Variants in PRKCE observed in about 807,000 individuals in gnomAD.
PRKCE encodes the protein protein kinase C epsilon.
In PRKCE, 16 loss-of-function variants were observed where a neutral mutation model predicts 85.4. The ratio of observed to expected loss-of-function variants is 0.19; its 90% CI spans 0.13 to 0.28. The LOEUF (loss-of-function observed/expected upper bound fraction) is 0.28, where lower values mean the gene tolerates loss of function less well. PRKCE is among the 10% of genes least tolerant of loss of function. The probability of loss-of-function intolerance (pLI) is 1.00; values close to 1 mark genes in which losing one functional copy is unlikely to be tolerated. For synonymous variants in PRKCE, 388 were observed against 371.5 expected (o/e 1.04, Z -0.51); for missense variants, 573 against 975.2 (o/e 0.59, Z 5.49).
Position 46,124,199 on chromosome 2 carries a change from C to T in PRKCE, c.1593-20894C>T, listed in dbSNP as rs1673625321. 3.3e-5 allele frequency among the ~76,000 whole-genome samples: 5 copies of T among 152,190 alleles called. No homozygotes were observed. The South Asian group carries it at 8.3e-4, about 25-fold the overall frequency. Reference sequence around the variant, plus strand: ...AATTAGCCAGGTGTGGTGGTGCATGCCTGTAATCCCAGATACTTGGGAGGC... The same window carrying T: ...AATTAGCCAGGTGTGGTGGTGCATGTCTGTAATCCCAGATACTTGGGAGGC... On this transcript the variant is annotated intron_variant, in intron 11 of 14. Transcript: ENST00000306156.
intron 10 of PRKCE, among the ~76,000 whole-genome samples, chr2:46,074,601 C>T (rs979797755): frequency 6.6e-6 from 1 of 152,152 alleles, no homozygotes; most frequent in South Asian, 2.1e-4. Context: ...AGAACTCCAG[C>T]ATGACCTCTG....
rs116428179 is a variant in PRKCE, at chr2:46,069,583, G to C, written c.1438-16625G>C. The stretch of plus-strand genomic sequence containing the variant: ...CTTATCAGGAAATTCAGGTTTCCAT[G>C]TTACACAGTTTATATGGGCCCTTAT... On this transcript the variant is annotated intron_variant, in intron 10 of 14. Coordinates refer to ENST00000306156, the MANE Select transcript of PRKCE (RefSeq NM_005400.3). Among the ~76,000 whole-genome samples the C allele has an allele frequency of 4.2e-3, 633 of 152,238 alleles. 6 individuals are homozygous for C. The highest frequency in any genetic ancestry group is 0.015 in the African/African-American group (618 of 41,536).
At chr2:46,010,307 C>A (rs1987070) in intron 9 of PRKCE, 37 bp from the exon 10 acceptor site, 386,015 of 1,547,342 alleles carry the variant, frequency 0.25, 49,513 homozygotes, top group Non-Finnish European at 0.27. Flanking sequence ...TTATTCCATA[C>A]ATGCATAGAT....
At chr2:45,835,961 A>C (rs1338330344) in intron 1 of PRKCE, among the ~76,000 whole-genome samples, 2 of 152,086 alleles carry the variant, frequency 1.3e-5, no homozygotes. Flanking sequence ...TTATTCATTT[A>C]CCTGTTGTTG....
chr2:45,743,725 G>T lies in PRKCE; in HGVS notation c.348+91277G>T, dbSNP rs1311797119. On this transcript the variant is annotated intron_variant, in intron 1 of 14. Transcript: ENST00000306156. ...TTCTTTCAAAACCTTGCCCTAAGCA[G>T]GAGGTTTTTAAGACTGTGTTTAGTC... Among the ~76,000 whole-genome samples, 9 of 152,332 alleles carry T rather than the reference G, an allele frequency of 5.9e-5. No individual in the cohort carries two copies. The South Asian group carries it at 1.9e-3, about 32-fold the overall frequency.
intron 2 of PRKCE, among the ~76,000 whole-genome samples, chr2:45,964,267 C>T (rs1228660842): frequency 6.6e-6 from 1 of 152,196 alleles, no homozygotes; most frequent in Non-Finnish European, 1.5e-5. Flanking sequence ...TGTCCACAGG[C>T]CCGTTTTAAT....
At chr2:46,120,001 A>T (rs553864271) in intron 11 of PRKCE, among the ~76,000 whole-genome samples, 3 of 138,680 alleles carry the variant, frequency 2.2e-5, no homozygotes, top group Non-Finnish European at 3.1e-5. Context: ...CCTTTTGGAG[A>T]TGCTATGCTT....
chr2:46,062,142 G>A (rs547670227), intron 10 of PRKCE, among the ~76,000 whole-genome samples: 27 of 152,152 alleles, frequency 1.8e-4, no homozygotes, highest in Admixed American at 1.0e-3. Flanking sequence ...GATTACAGGC[G>A]TGAGCCACCA....
chr2:46,038,491 A>T (rs562179211), intron 10 of PRKCE, among the ~76,000 whole-genome samples: 31 of 152,304 alleles, frequency 2.0e-4, no homozygotes. Context: ...CTAGCTCCCA[A>T]GCAATGTGTG....
chr2:45,981,954 T>G (rs1424893384), intron 5 of PRKCE, among the ~76,000 whole-genome samples: 1 of 152,226 alleles, frequency 6.6e-6, no homozygotes, highest in Non-Finnish European at 1.5e-5. Context: ...ATTTGAAATG[T>G]TCAGAACCCA....
Position 45,822,574 on chromosome 2 carries a change from C to A in PRKCE, c.349-20426C>A, listed in dbSNP as rs1689624607. Among the ~76,000 whole-genome samples the A allele has an allele frequency of 2.0e-5, 3 of 152,280 alleles. No homozygotes were observed. The South Asian group carries it at 6.2e-4, about 32-fold the overall frequency. ...CTTCCTTGTGCCTGGGCTGGGGTGC[C>A]CTGTAATGACTCTGGGCATAGAGAG... On this transcript the variant is annotated intron_variant, in intron 1 of 14. Transcript: ENST00000306156.
intron 8 of PRKCE, among the ~76,000 whole-genome samples, chr2:46,006,552 G>T (rs2104768909): frequency 6.6e-6 from 1 of 152,296 alleles, no homozygotes; most frequent in East Asian, 1.9e-4. Flanking sequence ...TCATTCCCAA[G>T]GGTTAATAGG....
intron 1 of PRKCE, among the ~76,000 whole-genome samples, chr2:45,716,500 A>T (rs1680098311): frequency 6.6e-6 from 1 of 151,976 alleles, no homozygotes; most frequent in African/African-American, 2.4e-5. Flanking sequence ...CAGACTGGGA[A>T]ACAGAGCAAG....
chr2:45,803,073 C>G (rs1270082327), intron 1 of PRKCE, among the ~76,000 whole-genome samples: 1 of 152,160 alleles, frequency 6.6e-6, no homozygotes, highest in Non-Finnish European at 1.5e-5. Flanking sequence ...AAAGGTGGCA[C>G]TTGATTTCTA....
intron 11 of PRKCE, among the ~76,000 whole-genome samples, chr2:46,135,990 C>T (rs1222927275): frequency 6.6e-6 from 1 of 151,738 alleles, no homozygotes; most frequent in Admixed American, 6.6e-5. Context: ...GTACCATCTG[C>T]CAGAAGAACC....
chr2:46,045,738 G>T lies in PRKCE; in HGVS notation c.1437+35221G>T, dbSNP rs1022675846. 6.6e-5 allele frequency among the ~76,000 whole-genome samples: 10 copies of T among 152,190 alleles called. No individual in the cohort carries two copies. In the East Asian group the frequency reaches 1.9e-3, roughly 29 times the overall value. Reference sequence around the variant, plus strand: ...CACTAAAAATACAGAAATTAGCTGGGCATGGTGGCACATGCCTGTAATCCC... The same window carrying T: ...CACTAAAAATACAGAAATTAGCTGGTCATGGTGGCACATGCCTGTAATCCC... On this transcript the variant is annotated intron_variant, in intron 10 of 14. Coordinates refer to ENST00000306156, the MANE Select transcript of PRKCE (RefSeq NM_005400.3).
At chr2:46,181,089 C>A (rs1336150925) in intron 14 of PRKCE, among the ~76,000 whole-genome samples, 2 of 152,178 alleles carry the variant, frequency 1.3e-5, no homozygotes. Flanking sequence ...AGAGCCTGCC[C>A]CTCAGAATCT....
intron 10 of PRKCE, chr2:46,073,848 G>A (rs148881036): frequency 6.6e-6 from 1 of 152,148 alleles, no homozygotes; most frequent in African/African-American, 2.4e-5. Context: ...AGTATTCCAA[G>A]TGGAGAAATA....
intron 11 of PRKCE, among the ~76,000 whole-genome samples, chr2:46,115,395 A>AC (rs1349576495): frequency 2.6e-5 from 4 of 152,246 alleles, no homozygotes; most frequent in Non-Finnish European, 5.9e-5. Context: ...ATCTCATAAA[A>AC]CCCAAATTCA....
Sources: allele counts gnomAD v4.1 joint callset (sites outside exome capture counted in the v4.1 genomes callset), GRCh38; gene constraint gnomAD v4.1.1; transcripts MANE v1.5; gene names NCBI Gene and HGNC (gene_info 2026-07-23, HGNC 2026-07-21).